Variants in C3orf33 observed in about 807,000 individuals in gnomAD.
C3orf33 encodes the protein mitochondrial inner membrane subdomain organizer 1, also known as AP-1 activity suppressor.
A neutral mutation model predicts 28.7 loss-of-function variants in C3orf33; 23 were observed. The observed-to-expected ratio is 0.80, with a 90% confidence interval of 0.58 to 1.13. The LOEUF (loss-of-function observed/expected upper bound fraction) is 1.13. Among genes scored for constraint, C3orf33 ranks in the 50% most tolerant of loss-of-function variants. C3orf33 has a pLI of 0.00. For synonymous variants in C3orf33, 119 were observed against 120.5 expected, an observed-to-expected ratio of 0.99 and a Z score of 0.08; for missense variants, 327 against 353.4, an observed-to-expected ratio of 0.93 and a Z score of 0.60.
intron 3 of C3orf33, 104 bp downstream of exon 3, chr3:155,775,595 GGA>G (rs1435592487): frequency 2.9e-6 from 2 of 689,126 alleles, no homozygotes; most frequent in African/African-American, 1.9e-5. Flanking sequence ...CATGGACAAT[GGA>G]GAGTTATTAG....
chr3:155,801,910 C>T lies in C3orf33; in HGVS notation c.174+622G>A, dbSNP rs1241533495. Among the ~76,000 whole-genome samples, 4 of 152,060 alleles carry T rather than the reference C, an allele frequency of 2.6e-5. No individual in the cohort carries two copies. In the East Asian group the frequency reaches 5.8e-4, roughly 22 times the overall value. ...GGATTACAGGTGCCTGCCACCACAC[C>T]TGGCTAATTGTTTGTATTTTTAGTA... On this transcript the variant is annotated intron_variant, in intron 2 of 4. Transcript: ENST00000340171.
chr3:155,800,963 CT>C (rs1202044232), intron 2 of C3orf33, among the ~76,000 whole-genome samples: 3 of 152,090 alleles, frequency 2.0e-5, no homozygotes, highest in African/African-American at 7.2e-5. Flanking sequence ...AATTGAAACT[CT>C]TGTGCATTGT....
At chr3:155,788,045 G>A (rs1291831118) in intron 2 of C3orf33, among the ~76,000 whole-genome samples, 1 of 151,850 alleles carries the variant, frequency 6.6e-6, no homozygotes, top group Non-Finnish European at 1.5e-5. Flanking sequence ...CAAAAAATTA[G>A]CCGGGCGTGG....
chr3:155,791,781 G>A (rs1751323072), intron 2 of C3orf33, among the ~76,000 whole-genome samples: 1 of 151,940 alleles, frequency 6.6e-6, no homozygotes, highest in South Asian at 2.1e-4. Context: ...GGACTGTCTT[G>A]TGGCTTAGGT....
At chr3:155,786,518 G>A (rs533170660) in intron 2 of C3orf33, among the ~76,000 whole-genome samples, 1 of 152,126 alleles carries the variant, frequency 6.6e-6, no homozygotes, top group East Asian at 1.9e-4. Flanking sequence ...TAGATGAAAT[G>A]GATAAATTCA....
rs1236772716 is a variant in C3orf33 at position 155,781,164 on chromosome 3, A to AT, written c.175-5317dup. ...AGGCGTCCGCCACCGCGCCCGGCTA[A>AT]TTTTTTTTTTTGTATTTTTTTTTAG... On this transcript the variant is annotated intron_variant, in intron 2 of 4. Transcript: ENST00000340171. Among the ~76,000 whole-genome samples, 355 of 145,326 alleles carry AT rather than the reference A, an allele frequency of 2.4e-3. 2 individuals are homozygous for AT. The highest frequency in any genetic ancestry group is 7.4e-3 in the South Asian group (34 of 4,620).
At chr3:155,764,243 T>A (rs1001840399) in intron 4 of C3orf33, among the ~76,000 whole-genome samples, 1 of 152,084 alleles carries the variant, frequency 6.6e-6, no homozygotes, top group Admixed American at 6.6e-5. Flanking sequence ...GGAGGGGAAG[T>A]GGGACACCCA....
intron 3 of C3orf33, among the ~76,000 whole-genome samples, chr3:155,773,918 T>A (rs1370598396): frequency 6.6e-6 from 1 of 152,324 alleles, no homozygotes; most frequent in South Asian, 2.1e-4. Context: ...GCAACACTCA[T>A]TAAAACTGTA....
intron 2 of C3orf33, among the ~76,000 whole-genome samples, chr3:155,784,958 A>C (rs1305384151): frequency 6.6e-6 from 1 of 151,788 alleles, no homozygotes; most frequent in Non-Finnish European, 1.5e-5. Flanking sequence ...AAAAATTATC[A>C]TTCAACCATA....
intron 3 of C3orf33, among the ~76,000 whole-genome samples, chr3:155,772,772 C>CTGTGTG (rs60966459): frequency 0.24 from 33,472 of 141,902 alleles, 4,286 homozygotes; most frequent in Non-Finnish European, 0.28. Context: ...TTTTTAGGCT[C>CTGTGTG]TGTGTGTGTG....
intron 2 of C3orf33, among the ~76,000 whole-genome samples, chr3:155,798,693 C>G (rs1231853265): frequency 1.3e-5 from 2 of 152,106 alleles, no homozygotes; most frequent in African/African-American, 4.8e-5. Context: ...GGGAAACTCT[C>G]CAGGACATTG....
chr3:155,805,442 A>G (rs1267325999), intron 1 of C3orf33, among the ~76,000 whole-genome samples: 1 of 151,612 alleles, frequency 6.6e-6, no homozygotes, highest in African/African-American at 2.4e-5. Flanking sequence ...CAGGCGTGAC[A>G]GAGGGAGACC....
chr3:155,778,261 C>CAATAA (rs1446064154), intron 2 of C3orf33, among the ~76,000 whole-genome samples: 1 of 145,668 alleles, frequency 6.9e-6, no homozygotes, highest in Non-Finnish European at 1.5e-5. Flanking sequence ...GGGAAAAAAA[C>CAATAA]AATAAAGGAC....
chr3:155,779,460 A>G (rs1559992428), intron 2 of C3orf33, among the ~76,000 whole-genome samples: 1 of 152,078 alleles, frequency 6.6e-6, no homozygotes, highest in Non-Finnish European at 1.5e-5. Context: ...ACACCCAGCT[A>G]ATTTTTATAT....
chr3:155,786,221 A>G (rs1190794068), intron 2 of C3orf33, among the ~76,000 whole-genome samples: 3 of 152,028 alleles, frequency 2.0e-5, no homozygotes, highest in African/African-American at 7.2e-5. Context: ...AAATGGGGGG[A>G]AAAGGCCACA....
chr3:155,804,175 TA>T lies in C3orf33; in HGVS notation c.115-1585del, dbSNP rs747411544. 656 of 415,332 alleles carry T rather than the reference TA, an allele frequency of 1.6e-3. 1 individual carries two copies. The highest frequency in any genetic ancestry group is 3.4e-3 in the Admixed American group (123 of 36,254). 25.7% of individuals were successfully genotyped at this position (415,332 alleles called of 1,614,324 possible). On this transcript the variant is annotated intron_variant, in intron 1 of 4. Transcript: ENST00000340171. ...TGGGGGACAAGTGCAAGACTTGGTC[TA>T]AAAAAAAAGAAAAAGGAAATGAGAT...
At chr3:155,788,407 G>A (rs1453409136) in intron 2 of C3orf33, among the ~76,000 whole-genome samples, 1 of 151,950 alleles carries the variant, frequency 6.6e-6, no homozygotes, top group East Asian at 1.9e-4. Context: ...ATATTCGGCT[G>A]GGCGCAGTGG....
intron 2 of C3orf33, among the ~76,000 whole-genome samples, chr3:155,784,256 A>T (rs563364405): frequency 6.6e-6 from 1 of 152,016 alleles, no homozygotes; most frequent in African/African-American, 2.4e-5. Context: ...TATATCCACA[A>T]TGTACAAAAA....
In C3orf33 at chr3:155,797,916, CA is replaced by C. The variant is rs1378963997; in HGVS notation, c.174+4615del. On this transcript the variant is annotated intron_variant, in intron 2 of 4. Transcript: ENST00000340171. The stretch of plus-strand genomic sequence containing the variant: ...TGAAACCCTGTCTCTACTAAAAATA[CA>C]AAAATTAGCCGGGCATGGTGGCACA... Among the ~76,000 whole-genome samples, 10 of 151,838 alleles carry C rather than the reference CA, an allele frequency of 6.6e-5. No homozygotes were observed. The South Asian group carries it at 1.0e-3, about 16-fold the overall frequency.
Sources: allele counts gnomAD v4.1 joint callset (sites outside exome capture counted in the v4.1 genomes callset), GRCh38; gene constraint gnomAD v4.1.1; transcripts MANE v1.5; gene names NCBI Gene and HGNC (gene_info 2026-07-23, HGNC 2026-07-21).